Variants in ZSWIM2 observed in about 807,000 individuals in gnomAD.
ZSWIM2 encodes the protein zinc finger SWIM-type containing 2.
In ZSWIM2, 38 loss-of-function variants were observed where a neutral mutation model predicts 48.4. The ratio of observed to expected loss-of-function variants is 0.79; its 90% CI spans 0.61 to 1.03. The LOEUF (loss-of-function observed/expected upper bound fraction) is 1.03, where lower values mean the gene tolerates loss of function less well. ZSWIM2 is among the 50% of genes least tolerant of loss of function. The pLI, the probability that ZSWIM2 is intolerant of heterozygous loss-of-function variation, is 0.00. For missense variants in ZSWIM2, 776 were observed against 730.2 expected (o/e 1.06, Z -0.72); for synonymous variants, 240 against 251.3 (o/e 0.96, Z 0.42).
At chr2:186,833,860 T>C in intron 6 of ZSWIM2, 86 bp downstream of exon 6, 2 of 1,075,988 alleles carry the variant, frequency 1.9e-6, no homozygotes, top group Non-Finnish European at 2.8e-6. Context: ...TCCACAGTGT[T>C]ATGTATTCTT....
At chr2:186,838,926 T>G (rs764498248) in intron 4 of ZSWIM2, 33 bp downstream of exon 4, 1 of 1,567,692 alleles carries the variant, frequency 6.4e-7, no homozygotes, top group Non-Finnish European at 8.6e-7. Flanking sequence ...AATTTTTAAT[T>G]AGTTTTAAGA....
In ZSWIM2 at chr2:186,833,929, C is replaced by T. The variant is rs775773317; in HGVS notation, c.828+17G>A. 33 of 1,597,372 alleles carry T rather than the reference C, an allele frequency of 2.1e-5. No individual in the cohort carries two copies. The East Asian group carries it at 7.1e-4, about 35-fold the overall frequency. On this transcript the variant is annotated intron_variant, in intron 6 of 8. Transcript: ENST00000295131. Reference sequence around the variant, plus strand: ...ACAAATAGAAACACTGTATTAGATTCAAGATGGATACTGTACCTCACGAAA... The same window carrying T: ...ACAAATAGAAACACTGTATTAGATTTAAGATGGATACTGTACCTCACGAAA...
In ZSWIM2 at chr2:186,844,721, A is replaced by G. The variant is rs370166200; in HGVS notation, c.279T>C (p.His93=). 16 of 1,558,212 alleles carry G rather than the reference A, an allele frequency of 1.0e-5. No homozygotes were observed. Among genetic ancestry groups the G allele is most frequent in the Non-Finnish European group, 1.2e-5 (14 of 1,158,766 alleles). The stretch of plus-strand genomic sequence containing the variant: ...AACCCAAACCCCAAAACTTACATTC[A>G]TGGTTCCTTGGAAGCTTGAATTTTT... ...LLKKFKLPRN[H]ESALQLGLGE... Residue 93 remains histidine, a synonymous_variant, in exon 3 of 9, where the codon CAT becomes CAC. Coordinates refer to ENST00000295131, the MANE Select transcript of ZSWIM2 (RefSeq NM_182521.3).
At position 186,829,860 on chromosome 2, in the gene ZSWIM2, T is replaced by C. The variant is rs577595485; in HGVS notation, c.962A>G (p.His321Arg). The C allele has an allele frequency of 5.0e-6, 8 of 1,613,594 alleles. No homozygotes were observed. The African/African-American group carries it at 1.1e-4, about 22-fold the overall frequency. ...TTGGAGAGGCAGTGATCTTACAATG[T>C]GTTTTGGTGTGTAAACTTGGCTGAA... ...EKQGQVYTPK[H>R]IVRSLPLQLI... Residue 321 changes from histidine to arginine, a missense_variant, in exon 8 of 9, where the codon CAC becomes CGC. By Grantham distance (29) the His-to-Arg change is conservative (BLOSUM62 0). Coordinates refer to ENST00000295131, the MANE Select transcript of ZSWIM2 (RefSeq NM_182521.3).
At chr2:186,848,928 GA>G (rs1267400012) in intron 1 of ZSWIM2, 37 bp downstream of exon 1, 14 of 1,611,852 alleles carry the variant, frequency 8.7e-6, no homozygotes, top group Non-Finnish European at 1.1e-5. Context: ...GGTGGGCGGG[GA>G]TGATGGCCAA....
chr2:186,830,728 A>AT (rs1455998233), intron 7 of ZSWIM2, among the ~76,000 whole-genome samples: 3 of 152,024 alleles, frequency 2.0e-5, no homozygotes, highest in Non-Finnish European at 4.4e-5. Context: ...TACCAGCTCC[A>AT]TTTTTTTGTA....
chr2:186,830,025 T>A (rs1691670328), intron 7 of ZSWIM2, 145 bp from the exon 8 acceptor site: 2 of 772,156 alleles, frequency 2.6e-6, no homozygotes. Context: ...TCTCATATAT[T>A]ATAAAGTTAA....
At chr2:186,846,806 C>CATATATATAT (rs1388154833) in intron 2 of ZSWIM2, among the ~76,000 whole-genome samples, 32 of 43,338 alleles carry the variant, frequency 7.4e-4, no homozygotes, top group African/African-American at 2.2e-3. Context: ...TACACACACA[C>CATATATATAT]ACACATATAT....
Position 186,849,018 on chromosome 2 carries a change from C to T in ZSWIM2, c.113G>A (p.Gly38Asp). Residue 38 changes from glycine (G) to aspartate (D), a missense_variant, in exon 1 of 9, where the codon GGC becomes GAC. Gly to Asp is a moderately conservative substitution (Grantham distance 94, BLOSUM62 -1). Transcript: ENST00000295131. ...SSSIYLLREM[G>D]PTGFLLREEE... ...CTCCCTCAGCAGGAAGCCAGTGGGG[C>T]CCATCTCTCGTAGGAGGTAGATGCT... The T allele has an allele frequency of 6.2e-7, 1 of 1,614,168 alleles. No homozygotes were observed. The highest frequency in any genetic ancestry group is 1.1e-5 in the South Asian group (1 of 91,082).
intron 5 of ZSWIM2, among the ~76,000 whole-genome samples, chr2:186,835,210 C>G (rs1378062004): frequency 6.6e-6 from 1 of 151,964 alleles, no homozygotes; most frequent in East Asian, 1.9e-4. Flanking sequence ...TATAAAAGAT[C>G]TCAATAAAAA....
At position 186,847,772 on chromosome 2, in the gene ZSWIM2, A is replaced by G; in HGVS notation, c.189T>C (p.Val63=). Residue 63 remains valine, a synonymous_variant, in exon 2 of 9, where the codon GTT becomes GTC. Transcript: ENST00000295131. The part of the protein sequence containing the change: ...DFRVFLGNPH[V]CNCSTFPKGG... ...CTTTCGGAAATGTGGAACAGTTACA[A>G]ACGTGAGGATTTCCTAGAAAAACCT... is the stretch of plus-strand genomic sequence containing the variant. The G allele has an allele frequency of 6.2e-7, 1 of 1,607,298 alleles. No homozygotes were observed.
In ZSWIM2 at chr2:186,848,992, C is replaced by A. The variant is rs1422325092; in HGVS notation, c.139G>T (p.Glu47Ter). Residue 47 changes from glutamate to a stop codon, truncating the protein, a stop_gained, in exon 1 of 9, where the codon GAG (glutamate) becomes TAG (stop). Coordinates refer to ENST00000295131, the MANE Select transcript of ZSWIM2 (RefSeq NM_182521.3). LOFTEE classifies it high-confidence loss of function. Reference protein sequence around the residue: ...MGPTGFLLREEEPEYMDFRVF... With the variant: ...MGPTGFLLRE The stretch of plus-strand genomic sequence containing the variant: ...CGGAAATCCATGTATTCCGGCTCCT[C>A]CTCCCTCAGCAGGAAGCCAGTGGGG... 2 of 1,614,116 alleles carry A rather than the reference C, an allele frequency of 1.2e-6. No homozygotes were observed. The highest frequency in any genetic ancestry group is 1.7e-6 in the Non-Finnish European group (2 of 1,180,006).
At chr2:186,838,824 A>G (rs1455130290) in intron 4 of ZSWIM2, 135 bp downstream of exon 4, 1 of 395,668 alleles carries the variant, frequency 2.5e-6, no homozygotes, top group Non-Finnish European at 4.4e-6. Context: ...GAAATAAAAG[A>G]ATGTTAATTA....
Position 186,828,070 on chromosome 2 carries a change from T to G in ZSWIM2, c.1816A>C (p.Ser606Arg). 1.9e-6 allele frequency: 3 copies of G among 1,613,400 alleles called. No individual in the cohort carries two copies. The highest frequency in any genetic ancestry group is 2.5e-6 in the Non-Finnish European group (3 of 1,179,628). ...NCMGEITRKC[S>R]HLSRQPVSHS... ...GACACAGGCTGTCTTGATAGATGAC[T>G]ACATTTTCGTGTAATTTCCCCCATA... The change falls in exon 9 of 9, where the codon AGT (serine) becomes CGT (arginine). Residue 606 changes from serine to arginine, a missense_variant. Transcript: ENST00000295131.
At chr2:186,830,117 G>T (rs1000353435) in intron 7 of ZSWIM2, among the ~76,000 whole-genome samples, 1 of 152,132 alleles carries the variant, frequency 6.6e-6, no homozygotes, top group Non-Finnish European at 1.5e-5. Flanking sequence ...GATGGCTCAC[G>T]CCTGTAATCC....
intron 2 of ZSWIM2, among the ~76,000 whole-genome samples, chr2:186,847,397 A>G (rs575926491): frequency 3.9e-5 from 6 of 152,124 alleles, no homozygotes; most frequent in Non-Finnish European, 8.8e-5. Flanking sequence ...AATGAACCAT[A>G]TAATTATCAG....
rs1691644555 is a variant in ZSWIM2, at chr2:186,828,735, A to G, written c.1151T>C (p.Ile384Thr). 2.5e-6 allele frequency: 4 copies of G among 1,607,030 alleles called. No homozygotes were observed. The highest frequency in any genetic ancestry group is 3.4e-6 in the Non-Finnish European group (4 of 1,177,256). Residue 384 changes from isoleucine to threonine, a missense_variant, in exon 9 of 9, where the codon ATT becomes ACT. By Grantham distance (89) the Ile-to-Thr change is moderately conservative. Coordinates refer to ENST00000295131, the MANE Select transcript of ZSWIM2 (RefSeq NM_182521.3). Reference protein sequence around the residue: ...WLFHKCNSCPIDGQVIYNPLT... With the variant: ...WLFHKCNSCPTDGQVIYNPLT... ...AGGGTTATATATAACTTGTCCATCA[A>G]TAGGGCATGAATTGCACTTGTGGAA...
rs750005195 is a variant in ZSWIM2 at position 186,837,480 on chromosome 2, G to A, written c.569C>T (p.Ser190Phe). Reference protein sequence around the residue: ...LANYQSTSNTSMLKCPLCRKE... With the variant: ...LANYQSTSNTFMLKCPLCRKE... ...CCTGCACAGAGGACATTTCAACATG[G>A]AAGTGTTTGATGTACTCTGATAATT... Residue 190 changes from serine (S) to phenylalanine (F), a missense_variant, in exon 5 of 9, where the codon TCC (serine) becomes TTC (phenylalanine). Ser to Phe is a radical substitution (Grantham distance 155, BLOSUM62 -2). Transcript: ENST00000295131. The A allele has an allele frequency of 1.9e-6, 3 of 1,612,388 alleles. No individual in the cohort carries two copies. The highest frequency in any genetic ancestry group is 2.5e-6 in the Non-Finnish European group (3 of 1,179,020).
intron 3 of ZSWIM2, among the ~76,000 whole-genome samples, chr2:186,844,223 A>G (rs1472460066): frequency 1.3e-5 from 2 of 151,608 alleles, no homozygotes; most frequent in African/African-American, 2.4e-5. Context: ...ATATAAATAT[A>G]TAACTGACTC....
Sources: gnomAD v4.1 joint callset for allele counts (sites outside exome capture counted in the v4.1 genomes callset) on GRCh38, gnomAD v4.1.1 for gene constraint, MANE v1.5 for transcripts, NCBI Gene and HGNC (gene_info 2026-07-23, HGNC 2026-07-21) for gene names.